Variants in HIVEP1 observed in about 807,000 individuals in gnomAD.
The protein encoded by HIVEP1 is HIVEP zinc finger 1.
In HIVEP1, 36 loss-of-function variants were observed where a neutral mutation model predicts 180.0. The observed-to-expected ratio is 0.20, with a 90% CI of 0.15 to 0.26. The LOEUF (loss-of-function observed/expected upper bound fraction) is 0.26. Ranked by LOEUF, HIVEP1 falls within the 10% of genes least tolerant of loss-of-function variation. The pLI is 1.00. For missense variants in HIVEP1, 3,143 were observed against 3,268.7 expected, an observed-to-expected ratio of 0.96 and a Z score of 0.94; for synonymous variants, 1,239 against 1,239.0, an observed-to-expected ratio of 1.00 and a Z score of 0.00.
Position 12,125,845 on chromosome 6 carries a change from G to A in HIVEP1, c.6050G>A (p.Ser2017Asn). The A allele has an allele frequency of 1.9e-6, 3 of 1,604,918 alleles. No homozygotes were observed. Among genetic ancestry groups the A allele is most frequent in the Non-Finnish European group, 2.6e-6 (3 of 1,175,962 alleles). Reference sequence around the variant, plus strand: ...AAGTCAGACTTATTGGTCTATTCAAGCAAGTGGAAAAGCAGCTTAAGCAAG... The same window carrying A: ...AAGTCAGACTTATTGGTCTATTCAAACAAGTGGAAAAGCAGCTTAAGCAAG... ...HSKSDLLVYS[S>N]KWKSSLSKRA... Residue 2017 changes from serine to asparagine, a missense_variant, in exon 4 of 9, where the codon AGC (serine) becomes AAC (asparagine). Ser to Asn is a conservative substitution (Grantham distance 46). This residue lies in a region of HIVEP1 where 1,357 missense variants were observed against 1,260.5 expected (regional missense o/e 1.08). Transcript: ENST00000379388.
chr6:12,079,194 T>G (rs1449155743), intron 2 of HIVEP1, among the ~76,000 whole-genome samples: 1 of 152,224 alleles, frequency 6.6e-6, no homozygotes, highest in Non-Finnish European at 1.5e-5. Flanking sequence ...TAGAAAACTA[T>G]ATTATTAGAA....
intron 2 of HIVEP1, among the ~76,000 whole-genome samples, chr6:12,081,419 T>A (rs563018158): frequency 6.6e-6 from 1 of 152,280 alleles, no homozygotes; most frequent in African/African-American, 2.4e-5. Flanking sequence ...GCGATGTCTC[T>A]TACCTCAATA....
rs537189822 is a variant in HIVEP1 at position 12,047,083 on chromosome 6, A to G, written c.40+31415A>G. On this transcript the variant is annotated intron_variant, in intron 2 of 8. Transcript: ENST00000379388. ...ACCATGTTGGCCAGGCTGGTCTGGAACTCCTGACCTTGTGATCTACCAGCC... is the reference window on the plus strand; with the variant it reads ...ACCATGTTGGCCAGGCTGGTCTGGAGCTCCTGACCTTGTGATCTACCAGCC... Among the ~76,000 whole-genome samples the G allele has an allele frequency of 1.6e-4, 24 of 151,824 alleles. No individual in the cohort carries two copies. In the South Asian group the frequency reaches 4.4e-3, roughly 28 times the overall value.
chr6:12,172,815 T>A, the HIVEP1 span, among the ~76,000 whole-genome samples: 1 of 151,264 alleles, frequency 6.6e-6, no homozygotes, highest in Non-Finnish European at 1.5e-5. Context: ...TACTGTTCCA[T>A]GCTGCTTTTT....
chr6:12,027,608 TGTACATGAAAC>T (rs1768669465), intron 2 of HIVEP1, among the ~76,000 whole-genome samples: 1 of 152,216 alleles, frequency 6.6e-6, no homozygotes, highest in Non-Finnish European at 1.5e-5. Context: ...TTTCCAATGC[TGTACATGAAAC>T]GTCTTGTGAA....
chr6:12,026,775 C>T (rs1359363806), intron 2 of HIVEP1, among the ~76,000 whole-genome samples: 1 of 152,126 alleles, frequency 6.6e-6, no homozygotes, highest in Non-Finnish European at 1.5e-5. Flanking sequence ...AAGAATGAGG[C>T]AGCCATTTTT....
the HIVEP1 span, among the ~76,000 whole-genome samples, chr6:12,202,418 C>T: frequency 3.9e-5 from 6 of 152,060 alleles, no homozygotes; most frequent in Admixed American, 6.5e-5. Flanking sequence ...AAATTATAGG[C>T]GGGAGCCACT....
At chr6:12,202,122 A>C in the HIVEP1 span, among the ~76,000 whole-genome samples, 1 of 152,056 alleles carries the variant, frequency 6.6e-6, no homozygotes, top group Admixed American at 6.5e-5. Flanking sequence ...TTTCTACTGC[A>C]TTCTATCATA....
chr6:12,026,039 T>TC (rs1768563795), intron 2 of HIVEP1, among the ~76,000 whole-genome samples: 1 of 128,820 alleles, frequency 7.8e-6, no homozygotes, highest in Non-Finnish European at 1.6e-5. Flanking sequence ...AAACCCCATA[T>TC]CAAAAAAAAA....
At chr6:12,180,092 T>C in the HIVEP1 span, among the ~76,000 whole-genome samples, 1 of 150,592 alleles carries the variant, frequency 6.6e-6, no homozygotes, top group Non-Finnish European at 1.5e-5. Flanking sequence ...GTGTGCTAGG[T>C]ATCCTGCTAA....
chr6:12,051,558 ATATAAT>A (rs1174650156), intron 2 of HIVEP1, among the ~76,000 whole-genome samples: 3 of 152,042 alleles, frequency 2.0e-5, no homozygotes, highest in Admixed American at 6.5e-5. Context: ...TGTAAATACT[ATATAAT>A]TAGTGCATTT....
At chr6:12,038,120 T>G (rs920895267) in intron 2 of HIVEP1, 2 of 200,136 alleles carry the variant, frequency 1.0e-5, no homozygotes, top group African/African-American at 4.6e-5. Context: ...TATGTTTTAG[T>G]GTTTTGATCT....
the HIVEP1 span, among the ~76,000 whole-genome samples, chr6:12,189,844 C>T: frequency 3.3e-5 from 5 of 151,980 alleles, no homozygotes; most frequent in African/African-American, 9.7e-5. Flanking sequence ...TGTGTAACAG[C>T]AAAAGTTGGA....
chr6:12,131,005 C>A, intron 6 of HIVEP1, 63 bp downstream of exon 6: 4 of 1,198,560 alleles, frequency 3.3e-6, no homozygotes, highest in South Asian at 1.6e-5. Flanking sequence ...AGCTAAAACC[C>A]AACTGTGCGT....
At position 12,163,711 on chromosome 6, in the gene HIVEP1, C is replaced by A; in HGVS notation, c.7407C>A (p.Ile2469=). ...GCAGTGTTGTGCCATGTATTCCTAT[C>A]GGCCAAATCCGCGTGCCAGGCCTTC... ...ELSSVVPCIP[I]GQIRVPGLQN... Residue 2469 remains isoleucine, a synonymous_variant, in exon 9 of 9, where the codon ATC becomes ATA. Coordinates refer to ENST00000379388, the MANE Select transcript of HIVEP1 (RefSeq NM_002114.4). The A allele has an allele frequency of 1.2e-6, 2 of 1,614,146 alleles. No homozygotes were observed. The highest frequency in any genetic ancestry group is 1.6e-4 in the Middle Eastern group (1 of 6,062).
the HIVEP1 span, among the ~76,000 whole-genome samples, chr6:12,201,100 T>C: frequency 6.6e-6 from 1 of 152,256 alleles, no homozygotes; most frequent in African/African-American, 2.4e-5. Context: ...TTGAATGATA[T>C]AGGTCTTCTC....
At chr6:12,010,196 A>T (rs1767199886), upstream of HIVEP1, among the ~76,000 whole-genome samples, 1 of 152,258 alleles carries the variant, frequency 6.6e-6, no homozygotes, top group East Asian at 1.9e-4. Flanking sequence ...CAATGAAAAT[A>T]AAAATTGCAT....
intron 2 of HIVEP1, among the ~76,000 whole-genome samples, chr6:12,033,380 TGA>T (rs1451208388): frequency 2.0e-5 from 3 of 151,870 alleles, no homozygotes; most frequent in African/African-American, 7.3e-5. Context: ...ATCTGTACAA[TGA>T]GAGACAGTAG....
chr6:12,162,611 C>T (rs1317829844), intron 8 of HIVEP1, among the ~76,000 whole-genome samples: 1 of 152,176 alleles, frequency 6.6e-6, no homozygotes, highest in Non-Finnish European at 1.5e-5. Context: ...ATTCTTCCCT[C>T]ATTGACAGTT....
Sources: allele counts gnomAD v4.1 joint callset (sites outside exome capture counted in the v4.1 genomes callset), GRCh38; gene constraint gnomAD v4.1.1; regional missense constraint gnomAD v4.1.1; transcripts MANE v1.5; gene names NCBI Gene and HGNC (gene_info 2026-07-23, HGNC 2026-07-21).